NTM: variants seen among roughly 807,000 people sequenced by gnomAD.
NTM encodes neurotrimin.
In NTM, 13 loss-of-function variants were observed where a neutral mutation model predicts 42.1. That is an observed-to-expected ratio of 0.31 (90% CI 0.20 to 0.49). The LOEUF is 0.49. Among genes scored for constraint, NTM ranks in the 20% least tolerant of loss-of-function variants. NTM has a pLI of 0.99. For missense variants in NTM, 373 were observed against 452.8 expected (o/e 0.82, Z 1.60); for synonymous variants, 187 against 179.2 (o/e 1.04, Z -0.35).
chr11:132,107,339 C>CTATTTTTTTTT (rs2062515420), intron 2 of NTM, among the ~76,000 whole-genome samples: 1 of 88,858 alleles, frequency 1.1e-5, no homozygotes, highest in African/African-American at 5.0e-5. Flanking sequence ...AAGATTTATC[C>CTATTTTTTTTT]TTTTTTTTTT....
intron 1 of NTM, among the ~76,000 whole-genome samples, chr11:131,557,608 C>T (rs1592044520): frequency 6.6e-6 from 1 of 152,296 alleles, no homozygotes; most frequent in Middle Eastern, 3.4e-3. Flanking sequence ...ATTAATATGA[C>T]TATGCTGTAT....
chr11:131,678,450 G>A (rs1302400153), intron 1 of NTM, among the ~76,000 whole-genome samples: 1 of 152,252 alleles, frequency 6.6e-6, no homozygotes, highest in Non-Finnish European at 1.5e-5. Context: ...GGCCCCAAGG[G>A]CAAGGTCTTC....
chr11:132,328,808 G>A (rs1262317482), intron 7 of NTM, among the ~76,000 whole-genome samples: 2 of 151,944 alleles, frequency 1.3e-5, no homozygotes, highest in Non-Finnish European at 2.9e-5. Context: ...AATGAAAATA[G>A]CCCCTCCCCC....
chr11:131,869,318 A>G (rs1209877915), intron 1 of NTM, among the ~76,000 whole-genome samples: 2 of 152,150 alleles, frequency 1.3e-5, no homozygotes, highest in Non-Finnish European at 2.9e-5. Context: ...CCATTGTTTC[A>G]GAGGAGGAGT....
At chr11:131,839,175 T>A (rs1486996502) in intron 1 of NTM, among the ~76,000 whole-genome samples, 1 of 152,160 alleles carries the variant, frequency 6.6e-6, no homozygotes, top group East Asian at 1.9e-4. Flanking sequence ...TTGGCCAGAC[T>A]GGTCTCGAAC....
intron 1 of NTM, among the ~76,000 whole-genome samples, chr11:131,905,433 A>G (rs1376688207): frequency 6.6e-6 from 1 of 152,132 alleles, no homozygotes; most frequent in Admixed American, 6.5e-5. Flanking sequence ...GAGGCTGTCA[A>G]AGAAGTTTCT....
chr11:132,080,758 G>C (rs1389939034), intron 2 of NTM, among the ~76,000 whole-genome samples: 1 of 152,116 alleles, frequency 6.6e-6, no homozygotes, highest in Non-Finnish European at 1.5e-5. Context: ...ATAGTTGCTG[G>C]TTTGGATTTT....
rs1424052202 is a variant in NTM at position 131,886,939 on chromosome 11, T to C, written c.83-24625T>C. On this transcript the variant is annotated intron_variant, in intron 1 of 8. Coordinates refer to ENST00000683400, the MANE Select transcript of NTM (RefSeq NM_001352005.2). ...TGTGCATTGTCTCATTTAATCCTCATAGTAGCTCCGCAAGCGAGCACTACC... is the reference window on the plus strand; with the variant it reads ...TGTGCATTGTCTCATTTAATCCTCACAGTAGCTCCGCAAGCGAGCACTACC... 2.0e-5 allele frequency among the ~76,000 whole-genome samples: 3 copies of C among 152,176 alleles called. No individual in the cohort carries two copies. In the East Asian group the frequency reaches 5.8e-4, roughly 29 times the overall value.
At chr11:131,890,172 C>CTCTCTT (rs1258161843) in intron 1 of NTM, among the ~76,000 whole-genome samples, 6 of 149,758 alleles carry the variant, frequency 4.0e-5, no homozygotes, top group African/African-American at 1.5e-4. Context: ...CTCTCTCTCT[C>CTCTCTT]TCTCTGTCTC....
intron 1 of NTM, among the ~76,000 whole-genome samples, chr11:131,720,316 G>A (rs369518452): frequency 3.3e-5 from 5 of 152,250 alleles, no homozygotes; most frequent in East Asian, 1.9e-4. Flanking sequence ...GTGTGTTTAC[G>A]TTCGAATCCC....
intron 4 of NTM, among the ~76,000 whole-genome samples, chr11:132,260,099 G>A (rs1366445988): frequency 6.6e-6 from 1 of 152,088 alleles, no homozygotes; most frequent in Non-Finnish European, 1.5e-5. Context: ...GGGAGGAGGA[G>A]GACTAGCATT....
chr11:131,728,611 A>G (rs1400259608), intron 1 of NTM, among the ~76,000 whole-genome samples: 2 of 152,246 alleles, frequency 1.3e-5, no homozygotes, highest in African/African-American at 4.8e-5. Flanking sequence ...TTATTGGAAC[A>G]CTAAGCATGT....
At chr11:131,779,820 C>G (rs1163142925) in intron 1 of NTM, among the ~76,000 whole-genome samples, 2 of 152,140 alleles carry the variant, frequency 1.3e-5, no homozygotes, top group Non-Finnish European at 2.9e-5. Flanking sequence ...TTTCTAGGAA[C>G]TGTAAGTGGG....
chr11:132,329,786 A>G (rs1363784829), intron 7 of NTM, among the ~76,000 whole-genome samples: 2 of 152,236 alleles, frequency 1.3e-5, no homozygotes, highest in African/African-American at 2.4e-5. Flanking sequence ...AAAGAAAGTA[A>G]GTTGTTCTAC....
chr11:131,440,816 TAAAAAAAAAAAAAAAAAAAAAAAAAAAA>T lies in NTM; in HGVS notation c.82+69949_82+69976del, dbSNP rs55915027. Among the ~76,000 whole-genome samples the T allele has an allele frequency of 9.1e-4, 39 of 42,924 alleles. 1 individual carries two copies. The East Asian group carries it at 0.018, about 20-fold the overall frequency. The allele number at this position is 42,924 out of a possible 152,430, so 28.2% of individuals were successfully genotyped here. A position where few individuals can be genotyped will look rare whatever the true frequency, so the allele number is the denominator to read the frequency against. On this transcript the variant is annotated intron_variant, in intron 1 of 8. Transcript: ENST00000683400. ...GTGCCACCCCTCACCACAGCCTCCATAAAAAAAAAAAAAAAAAAAAAAAAAAAAAAAAAAAAAAAAAAAAAAAATTCAT... is the reference window on the plus strand; with the variant it reads ...GTGCCACCCCTCACCACAGCCTCCATAAAAAAAAAAAAAAAAAAAATTCAT...
intron 4 of NTM, among the ~76,000 whole-genome samples, chr11:132,276,432 A>G (rs1018885326): frequency 6.6e-6 from 1 of 152,164 alleles, no homozygotes. Context: ...ATTGCTTGCA[A>G]GCTTGGCTTT....
At chr11:131,741,228 G>T (rs2135580091) in intron 1 of NTM, among the ~76,000 whole-genome samples, 1 of 151,480 alleles carries the variant, frequency 6.6e-6, no homozygotes, top group East Asian at 1.9e-4. Context: ...GAGCCTGGGA[G>T]CACCTCCAAA....
chr11:131,550,737 G>A (rs1456828828), intron 1 of NTM, among the ~76,000 whole-genome samples: 2 of 151,848 alleles, frequency 1.3e-5, no homozygotes, highest in Non-Finnish European at 2.9e-5. Flanking sequence ...TCCAGAGGCT[G>A]AGATGAGACG....
At chr11:131,452,926 G>T (rs950846323) in intron 1 of NTM, among the ~76,000 whole-genome samples, 2 of 152,182 alleles carry the variant, frequency 1.3e-5, no homozygotes, top group Non-Finnish European at 2.9e-5. Context: ...TGGCTTGGCA[G>T]TCCTTTGGGA....
Sources: gnomAD v4.1 joint callset for allele counts (sites outside exome capture counted in the v4.1 genomes callset) on GRCh38, gnomAD v4.1.1 for gene constraint, MANE v1.5 for transcripts, NCBI Gene and HGNC (gene_info 2026-07-23, HGNC 2026-07-21) for gene names.